Variants in DLGAP1 observed in about 807,000 individuals in gnomAD.
DLGAP1 encodes DLG associated protein 1.
A neutral mutation model predicts 90.8 loss-of-function variants in DLGAP1; 11 were observed. The observed-to-expected ratio is 0.12, with a 90% CI of 0.08 to 0.20. The LOEUF (loss-of-function observed/expected upper bound fraction) is 0.20, where lower values mean the gene tolerates loss of function less well. Among genes scored for constraint, DLGAP1 ranks in the 10% least tolerant of loss-of-function variants. The probability of loss-of-function intolerance (pLI) is 1.00; values close to 1 mark genes in which losing one functional copy is unlikely to be tolerated. For synonymous variants in DLGAP1, 558 were observed against 540.7 expected, an observed-to-expected ratio of 1.03 and a Z score of -0.44; for missense variants, 1,050 against 1,333.8, an observed-to-expected ratio of 0.79 and a Z score of 3.31.
chr18:3,981,538 G>C (rs1206018156), intron 3 of DLGAP1, among the ~76,000 whole-genome samples: 3 of 152,198 alleles, frequency 2.0e-5, no homozygotes, highest in Non-Finnish European at 1.5e-5. Context: ...AGTTTCTGGG[G>C]AATGTTCTCT....
At chr18:3,886,537 ATTT>A in intron 3 of DLGAP1, among the ~76,000 whole-genome samples, 1 of 151,282 alleles carries the variant, frequency 6.6e-6, no homozygotes, top group East Asian at 2.0e-4. Flanking sequence ...ACTTGCATCT[ATTT>A]TTTTTGTACC....
intron 10 of DLGAP1, among the ~76,000 whole-genome samples, chr18:3,520,011 G>A (rs1034373206): frequency 9.2e-5 from 14 of 152,100 alleles, no homozygotes; most frequent in African/African-American, 3.4e-4. Context: ...AAACCTGCAC[G>A]TTCAGCACAT....
intron 5 of DLGAP1, among the ~76,000 whole-genome samples, chr18:3,785,409 A>G (rs1005780638): frequency 6.6e-6 from 1 of 152,172 alleles, no homozygotes; most frequent in Non-Finnish European, 1.5e-5. Flanking sequence ...AGATTAATAG[A>G]AAAAAAGGCA....
At chr18:4,079,845 A>G (rs8083052) in intron 2 of DLGAP1, among the ~76,000 whole-genome samples, 89,289 of 151,796 alleles carry the variant, frequency 0.59, 27,003 homozygotes, top group Non-Finnish European at 0.66. Context: ...TCCTGCTTAC[A>G]TCCTAGGAGT....
intron 7 of DLGAP1, among the ~76,000 whole-genome samples, chr18:3,682,456 A>G (rs1243720099): frequency 6.6e-6 from 1 of 152,228 alleles, no homozygotes; most frequent in Admixed American, 6.5e-5. Flanking sequence ...AAAGCTCTAG[A>G]TATAAAGTCT....
intron 2 of DLGAP1, among the ~76,000 whole-genome samples, chr18:4,029,297 T>C (rs1245688227): frequency 6.6e-6 from 1 of 152,232 alleles, no homozygotes; most frequent in Non-Finnish European, 1.5e-5. Flanking sequence ...CTATTATGAA[T>C]AGTGCTGCAA....
intron 4 of DLGAP1, among the ~76,000 whole-genome samples, chr18:3,835,536 C>A (rs555956701): frequency 6.6e-6 from 1 of 151,394 alleles, no homozygotes; most frequent in East Asian, 1.9e-4. Context: ...GTAGTTCCAG[C>A]TACTTGGGAG....
chr18:3,887,272 A>G (rs1364563249), intron 3 of DLGAP1, among the ~76,000 whole-genome samples: 2 of 152,196 alleles, frequency 1.3e-5, no homozygotes, highest in African/African-American at 4.8e-5. Flanking sequence ...CCTGTTCCTA[A>G]GTGAGACAGG....
intron 2 of DLGAP1, among the ~76,000 whole-genome samples, chr18:4,066,358 T>C (rs373242567): frequency 3.3e-5 from 5 of 151,194 alleles, no homozygotes; most frequent in African/African-American, 9.7e-5. Context: ...AAAATAAAAA[T>C]GAAAAAATAA....
chr18:3,829,250 G>C (rs2067899902), intron 4 of DLGAP1, among the ~76,000 whole-genome samples: 1 of 152,200 alleles, frequency 6.6e-6, no homozygotes, highest in Non-Finnish European at 1.5e-5. Flanking sequence ...TGACTATAAA[G>C]ATAGAGATGA....
At chr18:3,661,150 A>C (rs1322702584) in intron 7 of DLGAP1, among the ~76,000 whole-genome samples, 3 of 152,210 alleles carry the variant, frequency 2.0e-5, no homozygotes, top group African/African-American at 7.2e-5. Context: ...CTCCTGCCTC[A>C]GACTTCCAAG....
At chr18:4,281,274 G>C (rs918765265) in intron 1 of DLGAP1, among the ~76,000 whole-genome samples, 17 of 152,146 alleles carry the variant, frequency 1.1e-4, no homozygotes, top group African/African-American at 3.9e-4. Flanking sequence ...TGTGGGGCCG[G>C]GCGCAGTGGC....
At chr18:3,702,638 C>T (rs991934290) in intron 7 of DLGAP1, among the ~76,000 whole-genome samples, 15 of 152,140 alleles carry the variant, frequency 9.9e-5, no homozygotes, top group Non-Finnish European at 1.5e-4. Flanking sequence ...TAGAAGTAAT[C>T]AGATACAACA....
chr18:3,761,089 T>C (rs1365608400), intron 5 of DLGAP1, among the ~76,000 whole-genome samples: 1 of 152,214 alleles, frequency 6.6e-6, no homozygotes, highest in Non-Finnish European at 1.5e-5. Context: ...AAAATACACA[T>C]AATATAAAAT....
At chr18:3,559,964 C>T (rs1329504425) in intron 9 of DLGAP1, among the ~76,000 whole-genome samples, 2 of 151,920 alleles carry the variant, frequency 1.3e-5, no homozygotes, top group East Asian at 1.9e-4. Flanking sequence ...ACAGGTTTTG[C>T]GAGTACTTTG....
At chr18:4,289,799 G>A (rs1350440925) in intron 1 of DLGAP1, among the ~76,000 whole-genome samples, 1 of 152,066 alleles carries the variant, frequency 6.6e-6, no homozygotes, top group African/African-American at 2.4e-5. Context: ...AGTCATTCCT[G>A]AACTTAGAAA....
chr18:3,635,435 G>T (rs533827807), intron 7 of DLGAP1, among the ~76,000 whole-genome samples: 1 of 151,102 alleles, frequency 6.6e-6, no homozygotes, highest in Non-Finnish European at 1.5e-5. Context: ...CACCGCGCCC[G>T]GCCTGTCTGT....
chr18:3,535,400 T>C (rs2144518337), intron 9 of DLGAP1, among the ~76,000 whole-genome samples: 1 of 152,142 alleles, frequency 6.6e-6, no homozygotes, highest in Non-Finnish European at 1.5e-5. Flanking sequence ...TTAGTCGGGG[T>C]AATTTGCTTA....
chr18:3,648,354 G>A (rs756544753), intron 7 of DLGAP1, among the ~76,000 whole-genome samples: 7 of 152,236 alleles, frequency 4.6e-5, no homozygotes, highest in South Asian at 2.1e-4. Context: ...CAATATTTAC[G>A]CATGTAAAGC....
Sources: gnomAD v4.1 joint callset for allele counts (sites outside exome capture counted in the v4.1 genomes callset) on GRCh38, gnomAD v4.1.1 for gene constraint, MANE v1.5 for transcripts, NCBI Gene and HGNC (gene_info 2026-07-23, HGNC 2026-07-21) for gene names.